METTL8: variants seen among roughly 807,000 people sequenced by gnomAD.
METTL8 encodes tRNA N(3)-cytidine methyltransferase METTL8, mitochondrial.
In METTL8, 32 loss-of-function variants were observed where a neutral mutation model predicts 48.7. The ratio of observed to expected loss-of-function variants is 0.66; its 90% CI spans 0.50 to 0.88. The LOEUF is 0.88. Among genes scored for constraint, METTL8 ranks in the 40% least tolerant of loss-of-function variants. METTL8 has a pLI of 0.00. For missense variants in METTL8, 464 were observed against 474.4 expected (o/e 0.98, Z 0.20); for synonymous variants, 136 against 157.1 (o/e 0.87, Z 1.01).
intron 3 of METTL8, among the ~76,000 whole-genome samples, chr2:171,353,358 T>C (rs1366376411): frequency 2.0e-5 from 3 of 152,228 alleles, no homozygotes; most frequent in Non-Finnish European, 2.9e-5. Context: ...TCTGTTCTTT[T>C]ACATTTGCCG....
intron 1 of METTL8, among the ~76,000 whole-genome samples, chr2:171,403,035 T>C (rs1689798801): frequency 6.6e-6 from 1 of 152,006 alleles, no homozygotes; most frequent in Non-Finnish European, 1.5e-5. Context: ...AACAAATAAA[T>C]GAGGGAGAAG....
At chr2:171,408,017 T>A (rs987578173) in intron 1 of METTL8, among the ~76,000 whole-genome samples, 13 of 152,196 alleles carry the variant, frequency 8.5e-5, no homozygotes, top group Non-Finnish European at 1.8e-4. Context: ...AGAGTTGCAA[T>A]TTATTTTCAG....
At chr2:171,349,664 C>G (rs992866754) in intron 3 of METTL8, among the ~76,000 whole-genome samples, 1 of 152,130 alleles carries the variant, frequency 6.6e-6, no homozygotes, top group Non-Finnish European at 1.5e-5. Flanking sequence ...GCTTTCAAAT[C>G]TTTTGCATAT....
At position 171,330,674 on chromosome 2, in the gene METTL8, G is replaced by A. The variant is rs1193349670; in HGVS notation, c.745C>T (p.Gln249Ter). The A allele has an allele frequency of 6.2e-7, 1 of 1,613,106 alleles. No homozygotes were observed. Among genetic ancestry groups the A allele is most frequent in the Non-Finnish European group, 8.5e-7 (1 of 1,179,750 alleles). The change falls in exon 7 of 10, where the codon CAG becomes TAG. Residue 249 changes from glutamine (Q) to a stop codon, truncating the protein, a stop_gained. Coordinates refer to ENST00000375258, the MANE Select transcript of METTL8 (RefSeq NM_001321154.2). LOFTEE classifies it high-confidence loss of function. ...VKSHSSYRATQCFAFVHDVCD... is the reference protein window; with the variant it reads ...VKSHSSYRAT ...ACATCATGAACAAAGGCAAAACACT[G>A]GGTTGCTCTGTAGGACGAGTGTGAC...
chr2:171,328,321 T>G (rs550034289), intron 7 of METTL8, among the ~76,000 whole-genome samples: 2 of 152,344 alleles, frequency 1.3e-5, no homozygotes, highest in African/African-American at 4.8e-5. Flanking sequence ...AATTCGCTCT[T>G]CTTTTGTAGC....
chr2:171,354,578 T>C (rs537855985), intron 3 of METTL8, among the ~76,000 whole-genome samples: 3 of 152,364 alleles, frequency 2.0e-5, no homozygotes, highest in African/African-American at 4.8e-5. Context: ...CCATTCTCCC[T>C]GTCACTTTCA....
intron 1 of METTL8, among the ~76,000 whole-genome samples, chr2:171,425,042 T>C (rs763901619): frequency 1.7e-3 from 258 of 152,128 alleles, no homozygotes; most frequent in Non-Finnish European, 3.0e-3. Flanking sequence ...GATGGTTTTA[T>C]AAGGGGCTTT....
At chr2:171,432,568 T>C (rs1434126863) in intron 1 of METTL8, among the ~76,000 whole-genome samples, 1 of 152,230 alleles carries the variant, frequency 6.6e-6, no homozygotes, top group African/African-American at 2.4e-5. Flanking sequence ...GTTTTCTCAG[T>C]GACAGCTGCA....
rs1247938208 is a variant in METTL8 at position 171,317,481 on chromosome 2, C to G, written c.*6691G>C. The G allele has an allele frequency of 1.3e-5, 2 of 152,418 alleles. No individual in the cohort carries two copies. The highest frequency in any genetic ancestry group is 2.9e-5 in the Non-Finnish European group (2 of 68,184). The allele number at this position is 152,418 out of a possible 1,614,324, so 9.4% of individuals were successfully genotyped here. Reference sequence around the variant, plus strand: ...GCATTTCCCGCCCTGGGCCCTGGATCTACTCAGTGCCTACCTGCTGGAGAA... The same window carrying G: ...GCATTTCCCGCCCTGGGCCCTGGATGTACTCAGTGCCTACCTGCTGGAGAA... On this transcript the variant is annotated 3_prime_UTR_variant, in exon 10 of 10. Coordinates refer to ENST00000375258, the MANE Select transcript of METTL8 (RefSeq NM_001321154.2).
At position 171,353,331 on chromosome 2, in the gene METTL8, G is replaced by A. The variant is rs1342353776; in HGVS notation, c.235+7091C>T. Among the ~76,000 whole-genome samples the A allele has an allele frequency of 4.6e-5, 7 of 152,180 alleles. No homozygotes were observed. The East Asian group carries it at 5.8e-4, about 13-fold the overall frequency. On this transcript the variant is annotated intron_variant, in intron 3 of 9. Coordinates refer to ENST00000375258, the MANE Select transcript of METTL8 (RefSeq NM_001321154.2). The stretch of plus-strand genomic sequence containing the variant: ...AGTTTGATTGCACTGTGGTCTGAGC[G>A]ACTGTTTGTTATAATTTCTGTTCTT...
At position 171,366,601 on chromosome 2, in the gene METTL8, T is replaced by C. The variant is rs761693724; in HGVS notation, c.144-6088A>G. ...AGGACTTTAAAACAGTATTGAAAAA[T>C]ATGTTGAAAGATTTAAAGAAAAAGA... On this transcript the variant is annotated intron_variant, in intron 2 of 9. Coordinates refer to ENST00000375258, the MANE Select transcript of METTL8 (RefSeq NM_001321154.2). Among the ~76,000 whole-genome samples, 58 of 151,800 alleles carry C rather than the reference T, an allele frequency of 3.8e-4. 1 individual carries two copies. The highest frequency in any genetic ancestry group is 1.2e-3 in the African/African-American group (50 of 41,304).
At chr2:171,387,357 A>G (rs536057513) in intron 2 of METTL8, among the ~76,000 whole-genome samples, 7 of 151,938 alleles carry the variant, frequency 4.6e-5, no homozygotes, top group Admixed American at 4.6e-4. Flanking sequence ...CCCATCGCAC[A>G]TCCAGCGAGG....
intron 5 of METTL8, among the ~76,000 whole-genome samples, chr2:171,333,083 C>T (rs1396346543): frequency 2.1e-5 from 3 of 144,948 alleles, no homozygotes; most frequent in African/African-American, 7.5e-5. Flanking sequence ...GCAGGTTATA[C>T]TCTTTTTTTT....
chr2:171,359,761 T>C (rs1190326935), intron 3 of METTL8, among the ~76,000 whole-genome samples: 2 of 152,102 alleles, frequency 1.3e-5, no homozygotes, highest in African/African-American at 4.8e-5. Context: ...TACAGGCATG[T>C]GCCACCACGA....
At chr2:171,325,949 T>C (rs886444142) in intron 8 of METTL8, 43 bp from the exon 9 acceptor site, 24 of 1,448,522 alleles carry the variant, frequency 1.7e-5, no homozygotes, top group East Asian at 2.3e-5. Flanking sequence ...GGGTATTCCT[T>C]TAAAAAAAAA....
In METTL8 at chr2:171,414,890, C is replaced by T. The variant is rs555592411; in HGVS notation, c.-13+18993G>A. Among the ~76,000 whole-genome samples, 282 of 152,156 alleles carry T rather than the reference C, an allele frequency of 1.9e-3. 2 individuals carry two copies. Among genetic ancestry groups the T allele is most frequent in the African/African-American group, 6.6e-3 (275 of 41,472 alleles). On this transcript the variant is annotated intron_variant, in intron 1 of 9. Transcript: ENST00000375258. ...TAAATGAATCATGGGGGCGGTTTCT[C>T]CCATACTATTCTCGTGGTAGTGAAT...
rs1684265876 is a variant in METTL8, at chr2:171,316,400, A to C, written c.*7772T>G. On this transcript the variant is annotated 3_prime_UTR_variant, in exon 10 of 10. Transcript: ENST00000375258. Reference sequence around the variant, plus strand: ...TTCCTAAAGTAAACAAAAGATCTGCAAAAGTATTTCCTTGCACTATTTGGC... The same window carrying C: ...TTCCTAAAGTAAACAAAAGATCTGCCAAAGTATTTCCTTGCACTATTTGGC... Among the ~76,000 whole-genome samples the C allele has an allele frequency of 2.0e-5, 3 of 152,244 alleles. No homozygotes were observed. The South Asian group carries it at 6.2e-4, about 32-fold the overall frequency.
chr2:171,417,528 T>C (rs1404866322), intron 1 of METTL8, among the ~76,000 whole-genome samples: 2 of 152,158 alleles, frequency 1.3e-5, no homozygotes, highest in Non-Finnish European at 2.9e-5. Flanking sequence ...GATAAAGAAA[T>C]TGAAGCACAG....
At chr2:171,419,318 T>C (rs934979672) in intron 1 of METTL8, among the ~76,000 whole-genome samples, 21 of 152,182 alleles carry the variant, frequency 1.4e-4, no homozygotes, top group African/African-American at 4.8e-4. Context: ...TATATCTATA[T>C]ATAATGTGTT....
Sources: allele counts gnomAD v4.1 joint callset (sites outside exome capture counted in the v4.1 genomes callset), GRCh38; gene constraint gnomAD v4.1.1; transcripts MANE v1.5; gene names NCBI Gene and HGNC (gene_info 2026-07-23, HGNC 2026-07-21).